SEL1L3: variants seen among roughly 807,000 people sequenced by gnomAD.
SEL1L3 encodes protein sel-1 homolog 3.
In SEL1L3, 76 loss-of-function variants were observed where a neutral mutation model predicts 142.8. The ratio of observed to expected loss-of-function variants is 0.53; its 90% CI spans 0.44 to 0.64. The LOEUF (loss-of-function observed/expected upper bound fraction) is 0.64. SEL1L3 is among the 30% of genes least tolerant of loss of function. SEL1L3 has a pLI of 0.00. For missense variants in SEL1L3, 1,262 were observed against 1,381.7 expected (o/e 0.91, Z 1.37); for synonymous variants, 504 against 519.6 (o/e 0.97, Z 0.41).
intron 2 of SEL1L3, among the ~76,000 whole-genome samples, chr4:25,846,630 C>A (rs1577690760): frequency 6.6e-6 from 1 of 152,136 alleles, no homozygotes; most frequent in Non-Finnish European, 1.5e-5. Flanking sequence ...AATAGAGGCC[C>A]CGGCATGGTG....
the SEL1L3 span, among the ~76,000 whole-genome samples, chr4:25,730,389 G>A: frequency 1.3e-5 from 2 of 152,020 alleles, no homozygotes; most frequent in African/African-American, 4.8e-5. Context: ...CGATGGGGAT[G>A]CATAGAGGAG....
chr4:25,835,739 T>C (rs1026129207), intron 2 of SEL1L3, among the ~76,000 whole-genome samples: 1 of 152,256 alleles, frequency 6.6e-6, no homozygotes, highest in Non-Finnish European at 1.5e-5. Context: ...GTTCTCACTA[T>C]GGTCCTGACA....
chr4:25,809,308 ATTT>A (rs71190851), intron 9 of SEL1L3, among the ~76,000 whole-genome samples: 5 of 139,248 alleles, frequency 3.6e-5, no homozygotes, highest in Non-Finnish European at 6.3e-5. Flanking sequence ...TGCTTGGCTA[ATTT>A]TTTTTTTTTT....
At chr4:25,809,308 A>ATT (rs71190851) in intron 9 of SEL1L3, among the ~76,000 whole-genome samples, 6 of 139,252 alleles carry the variant, frequency 4.3e-5, no homozygotes, top group Admixed American at 7.1e-5. Context: ...TGCTTGGCTA[A>ATT]TTTTTTTTTT....
intron 14 of SEL1L3, 150 bp downstream of exon 14, chr4:25,784,078 G>T (rs1355649906): frequency 2.9e-6 from 2 of 691,730 alleles, no homozygotes; most frequent in Non-Finnish European, 5.2e-6. Flanking sequence ...CACTGCAGTG[G>T]GGGTGCCGTG....
chr4:25,843,161 A>G (rs1716278291), intron 2 of SEL1L3, among the ~76,000 whole-genome samples: 1 of 152,044 alleles, frequency 6.6e-6, no homozygotes, highest in Non-Finnish European at 1.5e-5. Context: ...GGGGACAGGG[A>G]CAGATTCCCA....
chr4:25,810,599 G>T (rs567706946), intron 9 of SEL1L3, among the ~76,000 whole-genome samples: 1 of 152,328 alleles, frequency 6.6e-6, no homozygotes, highest in South Asian at 2.1e-4. Flanking sequence ...CAATTTCTAC[G>T]CTCTGGCAGG....
chr4:25,833,634 T>A, intron 3 of SEL1L3, 65 bp from the exon 4 acceptor site: 3 of 1,407,236 alleles, frequency 2.1e-6, no homozygotes, highest in Non-Finnish European at 2.9e-6. Context: ...TAATTATGGT[T>A]AACAATGACC....
At chr4:25,845,372 C>T (rs60769027) in intron 2 of SEL1L3, among the ~76,000 whole-genome samples, 2,313 of 152,154 alleles carry the variant, frequency 0.015, 50 homozygotes, top group African/African-American at 0.051. Context: ...GGTACATGCC[C>T]ATGGTCCCCG....
chr4:25,814,747 T>C (rs1025753374), intron 9 of SEL1L3, among the ~76,000 whole-genome samples: 8 of 151,990 alleles, frequency 5.3e-5, no homozygotes, highest in African/African-American at 1.7e-4. Flanking sequence ...AGTAAAGACG[T>C]GTTGGAAATA....
At chr4:25,757,486 G>A in intron 23 of SEL1L3, 48 bp downstream of exon 23, 2 of 979,210 alleles carry the variant, frequency 2.0e-6, no homozygotes, top group Admixed American at 3.7e-5. Context: ...AAAAATCCCT[G>A]CTTTTTTTTT....
chr4:25,767,666 C>A, intron 18 of SEL1L3, 57 bp from the exon 19 acceptor site: 1 of 1,474,630 alleles, frequency 6.8e-7, no homozygotes, highest in Admixed American at 1.9e-5. Flanking sequence ...AAGTGACCAA[C>A]GTTGCCTCCA....
chr4:25,759,743 C>T (rs1054841549), intron 20 of SEL1L3: 1 of 152,262 alleles, frequency 6.6e-6, no homozygotes, highest in African/African-American at 2.4e-5. Flanking sequence ...CAAAGACATG[C>T]TTCATAAAGG....
At chr4:25,739,502 C>G in the SEL1L3 span, among the ~76,000 whole-genome samples, 8 of 151,852 alleles carry the variant, frequency 5.3e-5, no homozygotes, top group African/African-American at 1.5e-4. Flanking sequence ...GTCAAGAGAT[C>G]GAGACCATCC....
At chr4:25,851,850 C>G (rs1716924124) in intron 1 of SEL1L3, among the ~76,000 whole-genome samples, 1 of 143,990 alleles carries the variant, frequency 6.9e-6, no homozygotes, top group Non-Finnish European at 1.5e-5. Context: ...TATCGTGCCA[C>G]TGCATTCCAG....
chr4:25,812,512 G>C lies in SEL1L3; in HGVS notation c.1564+5626C>G, dbSNP rs566270723. ...AGGCAGGGAGATCAACTGAGGTCAG[G>C]AGTTTGAGACCAGCCTGGCCAACAT... is the stretch of plus-strand genomic sequence containing the variant. On this transcript the variant is annotated intron_variant, in intron 9 of 23. Transcript: ENST00000399878. Among the ~76,000 whole-genome samples, 14 of 152,274 alleles carry C rather than the reference G, an allele frequency of 9.2e-5. No individual in the cohort carries two copies. In the South Asian group the frequency reaches 2.9e-3, roughly 32 times the overall value.
rs1715899805 is a variant in SEL1L3, at chr4:25,837,355, A to G, written c.734-2032T>C. Among the ~76,000 whole-genome samples, 3 of 145,226 alleles carry G rather than the reference A, an allele frequency of 2.1e-5. No individual in the cohort carries two copies. The Admixed American group carries it at 2.1e-4, about 10-fold the overall frequency. On this transcript the variant is annotated intron_variant, in intron 2 of 23. Transcript: ENST00000399878. ...GTGCAGTGGAAACATTTGTCAAAAC[A>G]AATGGGATTCAATTCTGCCCAACCT...
intron 1 of SEL1L3, among the ~76,000 whole-genome samples, chr4:25,855,866 C>T (rs1717222437): frequency 6.6e-6 from 1 of 152,230 alleles, no homozygotes; most frequent in African/African-American, 2.4e-5. Flanking sequence ...TGAGTCCCCA[C>T]TGCCTTCTTC....
chr4:25,739,051 A>G, the SEL1L3 span, among the ~76,000 whole-genome samples: 1,156 of 152,186 alleles, frequency 7.6e-3, 11 homozygotes, highest in Middle Eastern at 0.034. Context: ...TAAAAAAAAA[A>G]TAAAAAATTA....
Sources: gnomAD v4.1 joint callset for allele counts (sites outside exome capture counted in the v4.1 genomes callset) on GRCh38, gnomAD v4.1.1 for gene constraint, MANE v1.5 for transcripts, NCBI Gene and HGNC (gene_info 2026-07-23, HGNC 2026-07-21) for gene names.